SENP7: variants seen among roughly 807,000 people sequenced by gnomAD.
SENP7 encodes sentrin-specific protease 7.
A neutral mutation model predicts 141.2 loss-of-function variants in SENP7; 64 were observed. That is an observed-to-expected ratio of 0.45 (90% CI 0.37 to 0.56). SENP7 has a LOEUF of 0.56. Among genes scored for constraint, SENP7 ranks in the 20% least tolerant of loss-of-function variants. The pLI is 0.00. For missense variants in SENP7, 1,025 were observed against 1,212.2 expected (o/e 0.85, Z 2.29); for synonymous variants, 382 against 426.4 (o/e 0.90, Z 1.28).
chr3:101,486,139 C>G (rs1253580202), intron 3 of SENP7, among the ~76,000 whole-genome samples: 1 of 152,064 alleles, frequency 6.6e-6, no homozygotes, highest in East Asian at 1.9e-4. Flanking sequence ...TAAGAATAAT[C>G]AGTGTTGCTG....
At position 101,327,711 on chromosome 3, in the gene SENP7, A is replaced by C; in HGVS notation, c.2970T>G (p.Ser990Arg). 1 of 1,609,068 alleles carries C rather than the reference A, an allele frequency of 6.2e-7. No homozygotes were observed. The highest frequency in any genetic ancestry group is 8.5e-7 in the Non-Finnish European group (1 of 1,177,606). The stretch of plus-strand genomic sequence containing the variant: ...ACTGCAATAAATATACTCCACAATC[A>C]CTGCTATTGTCCTGTTTAGGAACTT... ...CPKVPKQDNSSDCGVYLLQYV... is the reference protein window; with the variant it reads ...CPKVPKQDNSRDCGVYLLQYV... Residue 990 changes from serine (S) to arginine (R), a missense_variant, in exon 23 of 24, where the codon AGT becomes AGG. Transcript: ENST00000394095.
chr3:101,465,242 C>T (rs2063722775), intron 3 of SENP7, among the ~76,000 whole-genome samples: 1 of 152,150 alleles, frequency 6.6e-6, no homozygotes, highest in Non-Finnish European at 1.5e-5. Context: ...CCCCTCACCC[C>T]CGCCACTGGC....
At chr3:101,420,372 A>T (rs1218347766) in intron 4 of SENP7, among the ~76,000 whole-genome samples, 1 of 152,082 alleles carries the variant, frequency 6.6e-6, no homozygotes, top group East Asian at 1.9e-4. Context: ...CGTCTCAAAA[A>T]AAAAAAGTGA....
intron 2 of SENP7, among the ~76,000 whole-genome samples, chr3:101,497,985 T>G (rs1001882415): frequency 6.6e-6 from 1 of 152,168 alleles, no homozygotes; most frequent in African/African-American, 2.4e-5. Flanking sequence ...TTTGTAGATA[T>G]GGGGTCTCAC....
intron 3 of SENP7, among the ~76,000 whole-genome samples, chr3:101,490,445 G>A (rs1481130401): frequency 2.6e-5 from 4 of 152,104 alleles, no homozygotes; most frequent in Non-Finnish European, 5.9e-5. Flanking sequence ...ACAGAAATCA[G>A]AAGAATGGTT....
intron 3 of SENP7, among the ~76,000 whole-genome samples, chr3:101,466,395 C>A (rs1249723959): frequency 6.6e-6 from 1 of 152,066 alleles, no homozygotes; most frequent in Non-Finnish European, 1.5e-5. Context: ...ATAAGAAAAT[C>A]CCCATAAGAT....
chr3:101,414,476 A>G (rs2061549833), intron 5 of SENP7: 1 of 1,503,646 alleles, frequency 6.7e-7, no homozygotes. Flanking sequence ...ACGCAATGCA[A>G]CAACAAAGCC....
At chr3:101,331,954 T>A in intron 19 of SENP7, 31 bp downstream of exon 19, 1 of 1,606,692 alleles carries the variant, frequency 6.2e-7, no homozygotes, top group Non-Finnish European at 8.5e-7. Context: ...GTCATCATTA[T>A]TAAAAACACC....
chr3:101,448,429 G>C lies in SENP7; in HGVS notation c.284+10526C>G, dbSNP rs566083026. 3.3e-5 allele frequency among the ~76,000 whole-genome samples: 5 copies of C among 152,334 alleles called. 1 individual carries two copies. The highest frequency in any genetic ancestry group is 1.2e-4 in the African/African-American group (5 of 41,580). ...CAATTTTAAAATGGGCAAAGGATCT[G>C]AGTAGACAATTCTCAAAATGACATA... On this transcript the variant is annotated intron_variant, in intron 4 of 23. Coordinates refer to ENST00000394095, the MANE Select transcript of SENP7 (RefSeq NM_020654.5).
At chr3:101,371,551 T>C (rs2060181697) in intron 7 of SENP7, among the ~76,000 whole-genome samples, 1 of 152,142 alleles carries the variant, frequency 6.6e-6, no homozygotes, top group South Asian at 2.1e-4. Context: ...TTTTCACAAG[T>C]CTAGGAAGTA....
chr3:101,333,038 TA>T, intron 17 of SENP7, 176 bp from the exon 18 acceptor site: 1 of 563,820 alleles, frequency 1.8e-6, no homozygotes, highest in Middle Eastern at 4.8e-4. Flanking sequence ...TGGTTATTCT[TA>T]AATTTAATAA....
At chr3:101,483,044 A>G (rs1394397496) in intron 3 of SENP7, among the ~76,000 whole-genome samples, 1 of 152,234 alleles carries the variant, frequency 6.6e-6, no homozygotes, top group East Asian at 1.9e-4. Flanking sequence ...GAAATTTCTC[A>G]AAGAACTTAA....
chr3:101,464,638 T>C (rs1348648318), intron 3 of SENP7, among the ~76,000 whole-genome samples: 2 of 152,146 alleles, frequency 1.3e-5, no homozygotes, highest in East Asian at 1.9e-4. Context: ...CTCCCACTGA[T>C]TCTACATTAT....
At chr3:101,442,560 T>C (rs2062720928) in intron 4 of SENP7, among the ~76,000 whole-genome samples, 1 of 151,976 alleles carries the variant, frequency 6.6e-6, no homozygotes, top group African/African-American at 2.4e-5. Context: ...CACGGACCAG[T>C]ACCAGTCCAT....
At chr3:101,358,123 C>T (rs984794361) in intron 11 of SENP7, 1 of 513,596 alleles carries the variant, frequency 1.9e-6, no homozygotes, top group Non-Finnish European at 3.4e-6. Flanking sequence ...TTTAACTGTT[C>T]CTCAAACCCT....
At position 101,458,955 on chromosome 3, in the gene SENP7, C is replaced by T. The variant is rs749197532; in HGVS notation, c.284G>A (p.Arg95Lys). ...CPVTSKSSPERQLKVMLTNVL... is the reference protein window; with the variant it reads ...CPVTSKSSPEKQLKVMLTNVL... ...TATGTCGCACACACACATATCTTAC[C>T]TTTCTGGTGATGACTTGGAAGTAAC... Residue 95 changes from arginine to lysine, a missense_variant and splice_region_variant, in exon 4 of 24, where the codon AGG becomes AAG. By Grantham distance (26) the Arg-to-Lys change is conservative. Around this residue, in one of 4 missense-constraint regions of SENP7, gnomAD observed 496 missense variants for 503.5 expected, o/e 0.99. Coordinates refer to ENST00000394095, the MANE Select transcript of SENP7 (RefSeq NM_020654.5). The T allele has an allele frequency of 1.9e-6, 3 of 1,584,024 alleles. No individual in the cohort carries two copies. Among genetic ancestry groups the T allele is most frequent in the Non-Finnish European group, 2.6e-6 (3 of 1,154,976 alleles).
chr3:101,424,481 G>C (rs1331409953), intron 4 of SENP7, among the ~76,000 whole-genome samples: 2 of 151,982 alleles, frequency 1.3e-5, no homozygotes, highest in Non-Finnish European at 2.9e-5. Flanking sequence ...ACCATGGCGA[G>C]CACAAAGCCA....
At chr3:101,465,881 G>C (rs2063742166) in intron 3 of SENP7, among the ~76,000 whole-genome samples, 2 of 151,928 alleles carry the variant, frequency 1.3e-5, no homozygotes, top group African/African-American at 4.8e-5. Context: ...TTTTTAAAAA[G>C]TAAATAATCC....
At chr3:101,385,148 G>A (rs186230811) in intron 6 of SENP7, among the ~76,000 whole-genome samples, 2 of 152,238 alleles carry the variant, frequency 1.3e-5, no homozygotes, top group East Asian at 1.9e-4. Flanking sequence ...ATGTGTGTGT[G>A]TGCATGTGTG....
Sources: allele counts gnomAD v4.1 joint callset (sites outside exome capture counted in the v4.1 genomes callset), GRCh38; gene constraint gnomAD v4.1.1; regional missense constraint gnomAD v4.1.1; transcripts MANE v1.5; gene names NCBI Gene and HGNC (gene_info 2026-07-23, HGNC 2026-07-21).